ENTPD7: variants seen among roughly 807,000 people sequenced by gnomAD.
The protein encoded by ENTPD7 is ectonucleoside triphosphate diphosphohydrolase 7.
In ENTPD7, 53 loss-of-function variants were observed where a neutral mutation model predicts 77.9. That is an observed-to-expected ratio of 0.68 (90% CI 0.55 to 0.85). The LOEUF (loss-of-function observed/expected upper bound fraction) is 0.85. ENTPD7 is among the 40% of genes least tolerant of loss of function. ENTPD7 has a pLI of 0.00. For synonymous variants in ENTPD7, 248 were observed against 274.9 expected, an observed-to-expected ratio of 0.90 and a Z score of 0.97; for missense variants, 636 against 743.7, an observed-to-expected ratio of 0.86 and a Z score of 1.68.
In ENTPD7 at chr10:99,698,565, G is replaced by A. The variant is rs766541754; in HGVS notation, c.1042G>A (p.Asp348Asn). The change falls in exon 10 of 13, where the codon GAC becomes AAC. Residue 348 changes from aspartate to asparagine, a missense_variant. Asp to Asn is a conservative substitution (Grantham distance 23). Coordinates refer to ENST00000370489, the MANE Select transcript of ENTPD7 (RefSeq NM_020354.5). ...LLGQKTGLSPDNPFLDPCLPV... is the reference protein window; with the variant it reads ...LLGQKTGLSPNNPFLDPCLPV... ...TGGTCAGAAGACAGGTCTGAGTCCC[G>A]ACAATCCATTTCTGGATCCCTGCCT... 32 of 1,613,874 alleles carry A rather than the reference G, an allele frequency of 2.0e-5. No individual in the cohort carries two copies. The highest frequency in any genetic ancestry group is 3.3e-5 in the Admixed American group (2 of 59,990).
rs538209413 is a variant in ENTPD7 at position 99,691,164 on chromosome 10, T to A, written c.710-221T>A. ...ACCATGCCCAGCTAATTAAAAAAAA[T>A]TTTTTTTTTTTATGAGAGTGTCTCA... On this transcript the variant is annotated intron_variant, in intron 7 of 12. Transcript: ENST00000370489. 5.2e-3 allele frequency among the ~76,000 whole-genome samples: 769 copies of A among 147,952 alleles called. 3 individuals carry two copies. The highest frequency in any genetic ancestry group is 7.0e-3 in the Non-Finnish European group (469 of 67,050).
At chr10:99,665,297 C>A (rs2035535736) in intron 3 of ENTPD7, among the ~76,000 whole-genome samples, 1 of 151,420 alleles carries the variant, frequency 6.6e-6, no homozygotes, top group Non-Finnish European at 1.5e-5. Context: ...ACAGTAGCAA[C>A]CAGGGCAGCA....
chr10:99,695,899 C>T (rs2133492336), intron 8 of ENTPD7, 57 bp from the exon 9 acceptor site: 1 of 1,541,394 alleles, frequency 6.5e-7, no homozygotes. Context: ...AATGTCATAG[C>T]TTTCTAGAAG....
intron 3 of ENTPD7, among the ~76,000 whole-genome samples, chr10:99,678,183 T>C (rs2035708191): frequency 6.6e-6 from 1 of 152,004 alleles, no homozygotes; most frequent in South Asian, 2.1e-4. Flanking sequence ...TTATAAAATA[T>C]TTAGGCCAGG....
chr10:99,673,706 AG>A, intron 3 of ENTPD7, among the ~76,000 whole-genome samples: 1 of 152,356 alleles, frequency 6.6e-6, no homozygotes, highest in African/African-American at 2.4e-5. Context: ...GGCAGGAATC[AG>A]AGAGGATAAC....
chr10:99,678,264 C>T (rs899962940), intron 3 of ENTPD7, among the ~76,000 whole-genome samples: 2 of 150,038 alleles, frequency 1.3e-5, no homozygotes, highest in African/African-American at 4.9e-5. Flanking sequence ...GTCAGGAGAT[C>T]GAGACCATCC....
intron 8 of ENTPD7, among the ~76,000 whole-genome samples, chr10:99,692,435 G>C (rs138278218): frequency 6.6e-6 from 1 of 152,174 alleles, no homozygotes. Flanking sequence ...TGGCAATATG[G>C]GGACTGGCAG....
chr10:99,666,199 A>G (rs2035548050), intron 3 of ENTPD7, among the ~76,000 whole-genome samples: 1 of 151,830 alleles, frequency 6.6e-6, no homozygotes, highest in Non-Finnish European at 1.5e-5. Context: ...AAAAGGTTGG[A>G]ACTGCTTTTT....
At chr10:99,685,922 G>A (rs940383574) in intron 6 of ENTPD7, 27 bp downstream of exon 6, 1 of 1,517,504 alleles carries the variant, frequency 6.6e-7, no homozygotes, top group Non-Finnish European at 9.1e-7. Flanking sequence ...GGTGCAGCTG[G>A]TTAACCTCTA....
In ENTPD7 at chr10:99,707,887, A is replaced by C. The variant is rs180982477; in HGVS notation, c.*3204A>C. ...GTACTTTAGCTCCTTGAATTTCCTT[A>C]ATCTGGGAAACTTTTGTTCCCACAC... On this transcript the variant is annotated 3_prime_UTR_variant, in exon 13 of 13. Coordinates refer to ENST00000370489, the MANE Select transcript of ENTPD7 (RefSeq NM_020354.5). Among the ~76,000 whole-genome samples the C allele has an allele frequency of 4.6e-5, 7 of 152,324 alleles. No homozygotes were observed. The highest frequency in any genetic ancestry group is 4.6e-4 in the Admixed American group (7 of 15,296).
rs2036300620 is a variant in ENTPD7 at position 99,708,758 on chromosome 10, TG to T, written c.*4078del. On this transcript the variant is annotated 3_prime_UTR_variant, in exon 13 of 13. Coordinates refer to ENST00000370489, the MANE Select transcript of ENTPD7 (RefSeq NM_020354.5). ...TTCTGGTCAACCCCCTTGATTTATATGGGTGATAAAACTGAGGCCTAGAGCA... is the reference window on the plus strand; with the variant it reads ...TTCTGGTCAACCCCCTTGATTTATATGGTGATAAAACTGAGGCCTAGAGCA... 2.3e-6 allele frequency: 2 copies of T among 864,136 alleles called. No individual in the cohort carries two copies. Among genetic ancestry groups the T allele is most frequent in the South Asian group, 1.1e-4 (2 of 18,850 alleles). The allele number at this position is 864,136 out of a possible 1,614,324, so 53.5% of individuals were successfully genotyped here. A position where few individuals can be genotyped will look rare whatever the true frequency, so the allele number is the denominator to read the frequency against.
intron 7 of ENTPD7, among the ~76,000 whole-genome samples, chr10:99,689,441 C>T (rs1400481697): frequency 6.6e-6 from 1 of 152,202 alleles, no homozygotes. Context: ...GAATTTGCCA[C>T]ATGCTAGATT....
At chr10:99,685,045 G>A (rs1480218119) in intron 5 of ENTPD7, among the ~76,000 whole-genome samples, 1 of 152,136 alleles carries the variant, frequency 6.6e-6, no homozygotes, top group African/African-American at 2.4e-5. Flanking sequence ...ATCACCTGAG[G>A]TCAGGAGTTC....
Position 99,709,626 on chromosome 10 carries a change from C to G in ENTPD7, c.*4943C>G. ...AGGTTGTGTTCTTGGCTCATTCTCTCATAACCTGGATCTAAGTTGGAAAGC... is the reference window on the plus strand; with the variant it reads ...AGGTTGTGTTCTTGGCTCATTCTCTGATAACCTGGATCTAAGTTGGAAAGC... On this transcript the variant is annotated 3_prime_UTR_variant, in exon 13 of 13. Transcript: ENST00000370489. 2 of 985,416 alleles carry G rather than the reference C, an allele frequency of 2.0e-6. No individual in the cohort carries two copies. Among genetic ancestry groups the G allele is most frequent in the African/African-American group, 3.5e-5 (2 of 57,350 alleles). The allele number at this position is 985,416 out of a possible 1,614,324, so 61.0% of individuals were successfully genotyped here.
chr10:99,697,559 G>A (rs189564354), intron 9 of ENTPD7: 2 of 155,256 alleles, frequency 1.3e-5, no homozygotes, highest in South Asian at 4.0e-4. Flanking sequence ...GGCATATCTT[G>A]TGTAGCTGCC....
In ENTPD7 at chr10:99,706,534, T is replaced by C. The variant is rs549034816; in HGVS notation, c.*1851T>C. On this transcript the variant is annotated 3_prime_UTR_variant, in exon 13 of 13. Coordinates refer to ENST00000370489, the MANE Select transcript of ENTPD7 (RefSeq NM_020354.5). ...ATTTTATTTTTTTAGAGATGGAGTC[T>C]GTGTTGTCCAGGCTGGTCTCAAACT... Among the ~76,000 whole-genome samples the C allele has an allele frequency of 3.3e-5, 5 of 151,856 alleles. No individual in the cohort carries two copies. Among genetic ancestry groups the C allele is most frequent in the Non-Finnish European group, 5.9e-5 (4 of 67,946 alleles).
intron 3 of ENTPD7, among the ~76,000 whole-genome samples, chr10:99,671,819 C>T (rs1431259378): frequency 2.6e-5 from 4 of 152,140 alleles, no homozygotes; most frequent in East Asian, 1.9e-4. Flanking sequence ...AAAGGTGGTG[C>T]CTTCATGTTC....
intron 3 of ENTPD7, among the ~76,000 whole-genome samples, chr10:99,674,072 G>A (rs1384335400): frequency 6.6e-6 from 1 of 152,116 alleles, no homozygotes; most frequent in African/African-American, 2.4e-5. Flanking sequence ...AATCATTCTG[G>A]GTACTACCAG....
chr10:99,698,701 C>T lies in ENTPD7; in HGVS notation c.1178C>T (p.Ser393Phe), dbSNP rs986723325. 1 of 1,614,154 alleles carries T rather than the reference C, an allele frequency of 6.2e-7. No homozygotes were observed. Among genetic ancestry groups the T allele is most frequent in the Non-Finnish European group, 8.5e-7 (1 of 1,180,026 alleles). Reference protein sequence around the residue: ...GAMLSPLLARSNTSQASLNGI... With the variant: ...GAMLSPLLARFNTSQASLNGI... ...ATGCTGAGCCCCCTGCTGGCTCGCT[C>T]CAACACCAGCCAGGCCTCACTCAAT... is the stretch of plus-strand genomic sequence containing the variant. Residue 393 changes from serine (S) to phenylalanine (F), a missense_variant, in exon 10 of 13, where the codon TCC becomes TTC. Physicochemically the swap from Ser to Phe is radical, Grantham distance 155. Coordinates refer to ENST00000370489, the MANE Select transcript of ENTPD7 (RefSeq NM_020354.5).
Sources: allele counts gnomAD v4.1 joint callset (sites outside exome capture counted in the v4.1 genomes callset), GRCh38; gene constraint gnomAD v4.1.1; transcripts MANE v1.5; gene names NCBI Gene and HGNC (gene_info 2026-07-23, HGNC 2026-07-21).